GDA: variants seen among roughly 807,000 people sequenced by gnomAD.
GDA encodes guanine deaminase.
Under a neutral mutation model 59.6 loss-of-function variants are expected in GDA, and 18 were observed. The ratio of observed to expected loss-of-function variants is 0.30; its 90% CI spans 0.21 to 0.45. The LOEUF is 0.45. GDA is among the 20% of genes least tolerant of loss of function. The pLI, the probability that GDA is intolerant of heterozygous loss-of-function variation, is 1.00. For synonymous variants in GDA, 201 were observed against 201.1 expected (o/e 1.00, Z 0.00); for missense variants, 427 against 552.3 (o/e 0.77, Z 2.27).
chr9:72,134,424 A>G (rs1429329365), intron 1 of GDA, among the ~76,000 whole-genome samples: 1 of 150,912 alleles, frequency 6.6e-6, no homozygotes, highest in Admixed American at 6.6e-5. Flanking sequence ...TTTCTTAGAC[A>G]GAGTTTTGCA....
upstream of GDA, among the ~76,000 whole-genome samples, chr9:72,147,297 T>C (rs1464395613): frequency 6.6e-6 from 1 of 152,202 alleles, no homozygotes. Flanking sequence ...AACCTCCGCC[T>C]CCGGGGTTCA....
At chr9:72,196,996 AC>A (rs1375772752) in intron 2 of GDA, among the ~76,000 whole-genome samples, 1 of 152,184 alleles carries the variant, frequency 6.6e-6, no homozygotes, top group Non-Finnish European at 1.5e-5. Context: ...TAAAATTGGT[AC>A]CATTTATATT....
intron 1 of GDA, among the ~76,000 whole-genome samples, chr9:72,141,784 C>T (rs994204492): frequency 2.0e-5 from 3 of 152,200 alleles, no homozygotes; most frequent in Non-Finnish European, 2.9e-5. Flanking sequence ...CAATCCTTCT[C>T]TGAGATCCCC....
rs547845116 is a variant in GDA, at chr9:72,168,622, G to GCCAC, written c.123+18941_123+18942insCACC. 3.3e-5 allele frequency among the ~76,000 whole-genome samples: 5 copies of GCCAC among 152,018 alleles called. No individual in the cohort carries two copies. In the South Asian group the frequency reaches 1.0e-3, roughly 32 times the overall value. ...TGGCCAGGCTGGTCTCAGTCTCCTG[G>GCCAC]CTTTAAGTGATCTGCCCACCTTGGC... On this transcript the variant is annotated intron_variant, in intron 1 of 13. Transcript: ENST00000358399.
At chr9:72,201,779 C>T (rs1341493188) in intron 2 of GDA, among the ~76,000 whole-genome samples, 2 of 152,156 alleles carry the variant, frequency 1.3e-5, no homozygotes, top group African/African-American at 4.8e-5. Context: ...TAGCACCATA[C>T]TGCCTCAATT....
intron 1 of GDA, among the ~76,000 whole-genome samples, chr9:72,160,734 C>A (rs1038602311): frequency 6.6e-6 from 1 of 152,194 alleles, no homozygotes; most frequent in Non-Finnish European, 1.5e-5. Flanking sequence ...TAAAAAAAAT[C>A]TTTGTATGGT....
At chr9:72,233,777 A>G (rs1285791505) in intron 10 of GDA, among the ~76,000 whole-genome samples, 3 of 152,136 alleles carry the variant, frequency 2.0e-5, no homozygotes, top group Non-Finnish European at 4.4e-5. Context: ...CCCTGTCTTT[A>G]CAAAAAATAC....
chr9:72,219,307 G>A (rs1836551017), intron 5 of GDA, among the ~76,000 whole-genome samples, 172 bp from the exon 6 acceptor site: 1 of 152,066 alleles, frequency 6.6e-6, no homozygotes, highest in African/African-American at 2.4e-5. Context: ...GGAGGCTGAG[G>A]CAGGAGAACG....
chr9:72,257,816 C>G (rs981991978), downstream of GDA: 2 of 152,158 alleles, frequency 1.3e-5, no homozygotes, highest in Admixed American at 1.3e-4. Context: ...CCTGTAGTCC[C>G]AGCTACTCAG....
At chr9:72,226,014 T>TGTGC (rs1484419428) in intron 8 of GDA, among the ~76,000 whole-genome samples, 1 of 144,618 alleles carries the variant, frequency 6.9e-6, no homozygotes, top group African/African-American at 2.6e-5. Context: ...TGTGTGTGTG[T>TGTGC]GCGTGTGTGT....
At chr9:72,254,979 GAT>G (rs1250196224), downstream of GDA, among the ~76,000 whole-genome samples, 1 of 152,206 alleles carries the variant, frequency 6.6e-6, no homozygotes, top group Non-Finnish European at 1.5e-5. Context: ...CACAGCAACA[GAT>G]AAAGGCAAGA....
At chr9:72,160,227 G>A (rs1044581165) in intron 1 of GDA, among the ~76,000 whole-genome samples, 1 of 152,016 alleles carries the variant, frequency 6.6e-6, no homozygotes, top group African/African-American at 2.4e-5. Flanking sequence ...GAGAATGGCC[G>A]AAACCCGGGA....
At chr9:72,144,378 A>G (rs960876468), upstream of GDA, among the ~76,000 whole-genome samples, 1 of 152,234 alleles carries the variant, frequency 6.6e-6, no homozygotes, top group Admixed American at 6.5e-5. Flanking sequence ...ATATATAATA[A>G]TACGACATTC....
intron 9 of GDA, 69 bp downstream of exon 9, chr9:72,228,109 G>A (rs2131626299): frequency 1.2e-6 from 1 of 851,952 alleles, no homozygotes; most frequent in East Asian, 2.5e-5. Context: ...AAATGCCTTT[G>A]TTTCCTCTGT....
chr9:72,223,355 A>G, intron 7 of GDA, 128 bp downstream of exon 7: 1 of 598,454 alleles, frequency 1.7e-6, no homozygotes, highest in Non-Finnish European at 3.0e-6. Context: ...GAGATATCCT[A>G]GAGTCACAGC....
chr9:72,192,880 AAAC>A (rs150999149), intron 1 of GDA, among the ~76,000 whole-genome samples: 23 of 151,512 alleles, frequency 1.5e-4, no homozygotes, highest in South Asian at 4.2e-4. Context: ...CTCCTTCTCA[AAAC>A]AACAACAACA....
At position 72,199,911 on chromosome 9, in the gene GDA, G is replaced by T. The variant is rs532385212; in HGVS notation, c.213-2660G>T. On this transcript the variant is annotated intron_variant, in intron 2 of 13. Coordinates refer to ENST00000358399, the MANE Select transcript of GDA (RefSeq NM_004293.5). ...AGTCGAAGGTGCTGCTTAAGATGTT[G>T]GTTTGTTCTTCCTTCCACAGAGAAC... Among the ~76,000 whole-genome samples the T allele has an allele frequency of 8.6e-5, 13 of 151,640 alleles. No homozygotes were observed. In the South Asian group the frequency reaches 2.5e-3, roughly 29 times the overall value.
chr9:72,180,673 G>A (rs1217930546), intron 1 of GDA, among the ~76,000 whole-genome samples: 2 of 152,132 alleles, frequency 1.3e-5, no homozygotes, highest in African/African-American at 4.8e-5. Context: ...GAGATTTATG[G>A]TGAATTTCAC....
chr9:72,158,534 A>T (rs192510788), intron 1 of GDA, among the ~76,000 whole-genome samples: 20 of 152,016 alleles, frequency 1.3e-4, no homozygotes, highest in African/African-American at 4.8e-4. Context: ...CAGAGCTTGC[A>T]GTGAGCTGAG....
Sources: gnomAD v4.1 joint callset for allele counts (sites outside exome capture counted in the v4.1 genomes callset) on GRCh38, gnomAD v4.1.1 for gene constraint, MANE v1.5 for transcripts, NCBI Gene and HGNC (gene_info 2026-07-23, HGNC 2026-07-21) for gene names.